Variants in TG observed in about 807,000 individuals in gnomAD.
TG encodes the protein thyroglobulin, also known as thyroid hormones.
TG carries 270 observed loss-of-function variants against 324.7 expected under a neutral mutation model. That is an observed-to-expected ratio of 0.83 (90% CI 0.75 to 0.92). The LOEUF (loss-of-function observed/expected upper bound fraction) is 0.92, where lower values mean the gene tolerates loss of function less well. Ranked by LOEUF, TG falls within the 40% of genes least tolerant of loss-of-function variation. TG has a pLI of 0.00. For missense variants in TG, 3,591 were observed against 3,456.4 expected (o/e 1.04, Z -0.98); for synonymous variants, 1,401 against 1,327.0 (o/e 1.06, Z -1.21).
intron 21 of TG, among the ~76,000 whole-genome samples, 163 bp from the exon 22 acceptor site, chr8:132,923,175 G>A (rs1312869990): frequency 1.3e-5 from 2 of 152,138 alleles, no homozygotes; most frequent in Admixed American, 1.3e-4. Context: ...AATCACAGGG[G>A]CCTTATTGAT....
chr8:132,886,443 T>C lies in TG; in HGVS notation c.1076-5T>C. 1.2e-6 allele frequency: 2 copies of C among 1,614,206 alleles called. No individual in the cohort carries two copies. Among genetic ancestry groups the C allele is most frequent in the Non-Finnish European group, 1.7e-6 (2 of 1,180,008 alleles). On this transcript the variant is annotated splice_region_variant and splice_polypyrimidine_tract_variant and intron_variant, in intron 8 of 47. Coordinates refer to ENST00000220616, the MANE Select transcript of TG (RefSeq NM_003235.5). The stretch of plus-strand genomic sequence containing the variant: ...TTTTCTCCCATTTCACTTTGTCTCA[T>C]GCAGCTGAAGGCCAATCTTGTGCCT...
At chr8:132,987,126 G>A (rs1268960829) in intron 35 of TG, among the ~76,000 whole-genome samples, 1 of 152,178 alleles carries the variant, frequency 6.6e-6, no homozygotes, top group Non-Finnish European at 1.5e-5. Flanking sequence ...ATGGGCCTGA[G>A]TAGGTGTTTC....
intron 34 of TG, 37 bp downstream of exon 34, chr8:132,972,778 T>G (rs550118608): frequency 2.0e-5 from 33 of 1,613,462 alleles, no homozygotes; most frequent in Non-Finnish European, 2.5e-5. Flanking sequence ...ATGGACGTCT[T>G]TAGTTAACTA....
chr8:133,045,664 G>A (rs1369253285), intron 41 of TG, among the ~76,000 whole-genome samples: 1 of 151,988 alleles, frequency 6.6e-6, no homozygotes, highest in African/African-American at 2.4e-5. Context: ...CAAAGTGCTG[G>A]GATTACAGGC....
chr8:132,959,479 A>T (rs1285266562), intron 27 of TG, among the ~76,000 whole-genome samples: 6 of 152,368 alleles, frequency 3.9e-5, no homozygotes, highest in Admixed American at 2.6e-4. Context: ...AATGATTAAG[A>T]TTCATTAATG....
rs1829173107 is a variant in TG, at chr8:132,969,589, C to T, written c.5975+20C>T. 3.5e-6 allele frequency: 5 copies of T among 1,445,170 alleles called. No homozygotes were observed. Among genetic ancestry groups the T allele is most frequent in the South Asian group, 1.1e-5 (1 of 87,582 alleles). 89.5% of individuals were successfully genotyped at this position (1,445,170 alleles called of 1,614,324 possible). On this transcript the variant is annotated intron_variant, in intron 32 of 47. Coordinates refer to ENST00000220616, the MANE Select transcript of TG (RefSeq NM_003235.5). Reference sequence around the variant, plus strand: ...TAATGGGTAAGCTACTTGTGTCTCACCCCTAATGTTTATTATGAATAATAC... The same window carrying T: ...TAATGGGTAAGCTACTTGTGTCTCATCCCTAATGTTTATTATGAATAATAC...
intron 43 of TG, among the ~76,000 whole-genome samples, chr8:133,097,183 T>C (rs917033114): frequency 1.3e-5 from 2 of 152,250 alleles, no homozygotes; most frequent in Non-Finnish European, 2.9e-5. Context: ...CTGTTGAATA[T>C]AAGGCAGTCT....
At chr8:133,046,473 TA>T (rs1358051673) in intron 41 of TG, 1 of 152,106 alleles carries the variant, frequency 6.6e-6, no homozygotes, top group African/African-American at 2.4e-5. Flanking sequence ...AGCCTTCCCG[TA>T]AGGTCAGCAG....
At chr8:133,069,810 G>A (rs1049038055) in intron 41 of TG, among the ~76,000 whole-genome samples, 13 of 151,832 alleles carry the variant, frequency 8.6e-5, no homozygotes, top group African/African-American at 1.7e-4. Context: ...AGACCAGCCC[G>A]GCCAACATGG....
intron 20 of TG, among the ~76,000 whole-genome samples, chr8:132,918,060 G>A (rs368936303): frequency 7.6e-4 from 116 of 152,156 alleles, no homozygotes; most frequent in African/African-American, 2.7e-3. Flanking sequence ...CTTCTCCCGA[G>A]GGAAGGTTGA....
chr8:133,070,387 CAA>C (rs1457139320), intron 41 of TG, among the ~76,000 whole-genome samples: 2 of 152,166 alleles, frequency 1.3e-5, no homozygotes, highest in Non-Finnish European at 2.9e-5. Flanking sequence ...GTTTTCAAAA[CAA>C]AAGAGACTAA....
At chr8:133,106,814 C>G (rs544038706) in intron 43 of TG, among the ~76,000 whole-genome samples, 2 of 152,148 alleles carry the variant, frequency 1.3e-5, no homozygotes, top group Admixed American at 1.3e-4. Context: ...GAACTAGAAG[C>G]CCCATGCAGG....
intron 5 of TG, 34 bp from the exon 6 acceptor site, chr8:132,881,829 A>T (rs1462079839): frequency 6.8e-7 from 1 of 1,465,466 alleles, no homozygotes; most frequent in African/African-American, 1.4e-5. Context: ...ACTTGCCTTT[A>T]TGAATGGTGA....
intron 25 of TG, among the ~76,000 whole-genome samples, chr8:132,936,665 G>A (rs986265574): frequency 6.6e-6 from 1 of 152,204 alleles, no homozygotes; most frequent in East Asian, 1.9e-4. Context: ...CTGGCACGTG[G>A]GAGAGGCAGG....
intron 35 of TG, among the ~76,000 whole-genome samples, chr8:133,004,074 A>G (rs983076410): frequency 2.0e-5 from 3 of 152,232 alleles, no homozygotes; most frequent in Non-Finnish European, 2.9e-5. Flanking sequence ...CTATCTGGTC[A>G]CAGAGGAAAG....
rs564886284 is a variant in TG, at chr8:132,867,812, C to T, written c.68-303C>T. On this transcript the variant is annotated intron_variant, in intron 1 of 47. Coordinates refer to ENST00000220616, the MANE Select transcript of TG (RefSeq NM_003235.5). ...GCGGGCGGGGAACGTGTAGTCCCAG[C>T]GTTGATTTTGGGATCCTTCACTTGC... is the stretch of plus-strand genomic sequence containing the variant. 9.2e-5 allele frequency among the ~76,000 whole-genome samples: 14 copies of T among 152,130 alleles called. No individual in the cohort carries two copies. In the South Asian group the frequency reaches 2.1e-3, roughly 23 times the overall value.
At chr8:132,969,147 G>A (rs55634376) in intron 31 of TG, among the ~76,000 whole-genome samples, 7,011 of 152,154 alleles carry the variant, frequency 0.046, 565 homozygotes, top group African/African-American at 0.16. Flanking sequence ...GGCAGATGGC[G>A]TTGCTTCTTT....
chr8:133,105,864 A>G (rs1182665703), intron 43 of TG, among the ~76,000 whole-genome samples: 7 of 151,948 alleles, frequency 4.6e-5, no homozygotes, highest in Non-Finnish European at 2.9e-5. Flanking sequence ...GAGGTGGGGG[A>G]TGGGGCGTCT....
chr8:133,095,878 A>G (rs752977284), intron 42 of TG, among the ~76,000 whole-genome samples: 1 of 152,230 alleles, frequency 6.6e-6, no homozygotes, highest in Non-Finnish European at 1.5e-5. Context: ...TTCACCTGTC[A>G]GAGTCACTGC....
Sources: gnomAD v4.1 joint callset for allele counts (sites outside exome capture counted in the v4.1 genomes callset) on GRCh38, gnomAD v4.1.1 for gene constraint, MANE v1.5 for transcripts, NCBI Gene and HGNC (gene_info 2026-07-23, HGNC 2026-07-21) for gene names.